MBD5: variants seen among roughly 807,000 people sequenced by gnomAD.
The protein encoded by MBD5 is methyl-CpG-binding domain protein 5.
A neutral mutation model predicts 117.3 loss-of-function variants in MBD5; 13 were observed. That is an observed-to-expected ratio of 0.11 (90% CI 0.07 to 0.18). The LOEUF (loss-of-function observed/expected upper bound fraction) is 0.18. Among genes scored for constraint, MBD5 ranks in the 10% least tolerant of loss-of-function variants. The pLI, the probability that MBD5 is intolerant of heterozygous loss-of-function variation, is 1.00. For synonymous variants in MBD5, 727 were observed against 766.4 expected (o/e 0.95, Z 0.85); for missense variants, 1,879 against 2,093.8 (o/e 0.90, Z 2.00).
At chr2:148,355,932 T>C (rs1344343287) in intron 4 of MBD5, among the ~76,000 whole-genome samples, 2 of 152,196 alleles carry the variant, frequency 1.3e-5, no homozygotes, top group African/African-American at 4.8e-5. Context: ...TTTCACAATA[T>C]TGGTTTTTCC....
intron 1 of MBD5, chr2:148,044,742 G>A (rs1423815110): frequency 3.3e-5 from 5 of 152,016 alleles, no homozygotes; most frequent in African/African-American, 7.2e-5. Flanking sequence ...TAAATATTAT[G>A]TAAAATCTGT....
At chr2:148,447,123 GAAA>G (rs1279562291) in intron 4 of MBD5, among the ~76,000 whole-genome samples, 2 of 136,676 alleles carry the variant, frequency 1.5e-5, no homozygotes, top group African/African-American at 5.3e-5. Flanking sequence ...AAGAAAGAAA[GAAA>G]AAGAAAGAGA....
intron 2 of MBD5, among the ~76,000 whole-genome samples, chr2:148,233,034 T>A (rs1700026183): frequency 6.6e-6 from 1 of 152,216 alleles, no homozygotes; most frequent in African/African-American, 2.4e-5. Flanking sequence ...TTCTGTACTG[T>A]AAAGTGGATT....
At chr2:148,367,965 C>T (rs1703750880) in intron 4 of MBD5, among the ~76,000 whole-genome samples, 1 of 152,172 alleles carries the variant, frequency 6.6e-6, no homozygotes, top group Non-Finnish European at 1.5e-5. Flanking sequence ...ACCCAGCAAT[C>T]CCATTACTGG....
chr2:148,491,226 A>G (rs1378505406), intron 11 of MBD5, among the ~76,000 whole-genome samples: 3 of 151,936 alleles, frequency 2.0e-5, no homozygotes, highest in African/African-American at 7.3e-5. Context: ...ATTAGATCAC[A>G]TAAATTAAAT....
chr2:148,315,202 GTATA>G (rs1702132911), intron 3 of MBD5, among the ~76,000 whole-genome samples: 1 of 152,048 alleles, frequency 6.6e-6, no homozygotes, highest in Non-Finnish European at 1.5e-5. Context: ...TGCTACATTA[GTATA>G]AGTAAATCAT....
At chr2:148,103,925 A>G (rs1696299642) in intron 1 of MBD5, among the ~76,000 whole-genome samples, 1 of 152,190 alleles carries the variant, frequency 6.6e-6, no homozygotes, top group South Asian at 2.1e-4. Flanking sequence ...TTTTATAGCA[A>G]GTACCATGCT....
At chr2:148,400,823 T>C (rs1704896919) in intron 4 of MBD5, among the ~76,000 whole-genome samples, 1 of 152,112 alleles carries the variant, frequency 6.6e-6, no homozygotes, top group Non-Finnish European at 1.5e-5. Flanking sequence ...TTTAAGGTGA[T>C]TTTTTACCCT....
intron 1 of MBD5, among the ~76,000 whole-genome samples, chr2:148,171,200 G>A (rs749564253): frequency 3.9e-5 from 6 of 152,104 alleles, no homozygotes; most frequent in Admixed American, 6.5e-5. Flanking sequence ...TTACAGGCCA[G>A]TATCCTTATG....
At chr2:148,282,890 G>T (rs1299043143) in intron 3 of MBD5, among the ~76,000 whole-genome samples, 1 of 110,134 alleles carries the variant, frequency 9.1e-6, no homozygotes, top group African/African-American at 3.2e-5. Context: ...TGACTTTTAA[G>T]ACTTAACCGC....
At chr2:148,344,002 G>A (rs1003937816) in intron 4 of MBD5, among the ~76,000 whole-genome samples, 3 of 151,968 alleles carry the variant, frequency 2.0e-5, no homozygotes, top group African/African-American at 7.2e-5. Flanking sequence ...GAAAGGTAGT[G>A]GTCCAATTTC....
chr2:148,036,939 G>A (rs1694210576), intron 1 of MBD5, among the ~76,000 whole-genome samples: 1 of 151,952 alleles, frequency 6.6e-6, no homozygotes, highest in Non-Finnish European at 1.5e-5. Context: ...GGGGGACCCA[G>A]AAAATAATAA....
intron 2 of MBD5, among the ~76,000 whole-genome samples, chr2:148,208,842 T>C (rs921877234): frequency 1.3e-5 from 2 of 152,170 alleles, no homozygotes; most frequent in African/African-American, 4.8e-5. Flanking sequence ...CCATGAATTA[T>C]AAAATGAATA....
At chr2:148,424,201 A>C (rs1705704580) in intron 4 of MBD5, among the ~76,000 whole-genome samples, 2 of 84,108 alleles carry the variant, frequency 2.4e-5, no homozygotes, top group African/African-American at 6.5e-5. Flanking sequence ...AAAAAAAAAA[A>C]AAAAAAAAAA....
In MBD5 at chr2:148,178,712, G is replaced by C; in HGVS notation, c.-912G>C. On this transcript the variant is annotated 5_prime_UTR_variant, in exon 2 of 14. Coordinates refer to ENST00000642680, the MANE Select transcript of MBD5 (RefSeq NM_001378120.1). ...GCTTCTCTTTTAGATGTACATTGAA[G>C]ATGTCAGTTTCTACATGTGGGAAGT... The C allele has an allele frequency of 2.5e-6, 1 of 398,308 alleles. No homozygotes were observed. Among genetic ancestry groups the C allele is most frequent in the Non-Finnish European group, 4.4e-6 (1 of 225,730 alleles). 24.7% of individuals were successfully genotyped at this position (398,308 alleles called of 1,614,324 possible).
intron 4 of MBD5, among the ~76,000 whole-genome samples, chr2:148,444,951 A>G (rs1405001522): frequency 6.6e-6 from 1 of 150,946 alleles, no homozygotes; most frequent in Admixed American, 6.6e-5. Context: ...GAGTACATTT[A>G]TTATATCAGG....
intron 3 of MBD5, among the ~76,000 whole-genome samples, chr2:148,270,627 A>G (rs1164229750): frequency 1.3e-5 from 2 of 152,066 alleles, no homozygotes; most frequent in African/African-American, 4.8e-5. Context: ...GACCTCAAGC[A>G]ATCCTCCTGC....
At chr2:148,484,908 ATTTG>A (rs905640707) in intron 9 of MBD5, among the ~76,000 whole-genome samples, 2 of 152,160 alleles carry the variant, frequency 1.3e-5, no homozygotes, top group Non-Finnish European at 2.9e-5. Flanking sequence ...GGTGTAAAAA[ATTTG>A]TTTATTATTT....
intron 3 of MBD5, among the ~76,000 whole-genome samples, chr2:148,339,333 T>G (rs1702880125): frequency 6.6e-6 from 1 of 152,062 alleles, no homozygotes; most frequent in South Asian, 2.1e-4. Flanking sequence ...TTCACCCACA[T>G]GGGCCAAAGT....
Sources: gnomAD v4.1 joint callset for allele counts (sites outside exome capture counted in the v4.1 genomes callset) on GRCh38, gnomAD v4.1.1 for gene constraint, MANE v1.5 for transcripts, NCBI Gene and HGNC (gene_info 2026-07-23, HGNC 2026-07-21) for gene names.